The following BIN3 variants were observed in gnomAD, a reference collection of about 807,000 sequenced individuals.
BIN3 encodes bridging integrator 3.
BIN3 carries 41 observed loss-of-function variants against 38.2 expected under a neutral mutation model. The ratio of observed to expected loss-of-function variants is 1.07; its 90% CI spans 0.84 to 1.39. BIN3 has a LOEUF of 1.39. Among genes scored for constraint, BIN3 ranks in the 40% most tolerant of loss-of-function variants. The pLI, the probability that BIN3 is intolerant of heterozygous loss-of-function variation, is 0.00. For missense variants in BIN3, 361 were observed against 324.3 expected (o/e 1.11, Z -0.87); for synonymous variants, 145 against 122.6 (o/e 1.18, Z -1.21).
At chr8:22,644,886 T>G in intron 1 of BIN3, 83 bp from the exon 2 acceptor site, 1 of 1,274,618 alleles carries the variant, frequency 7.8e-7, no homozygotes. Context: ...ACAGGCCACT[T>G]TCCCCCAGGA....
chr8:22,629,593 G>C (rs1802115960), intron 6 of BIN3: 1 of 277,966 alleles, frequency 3.6e-6, no homozygotes. Flanking sequence ...AAGATGAAAG[G>C]CCTTGCTCAT....
intron 1 of BIN3, among the ~76,000 whole-genome samples, chr8:22,658,484 A>T (rs1347560926): frequency 1.3e-5 from 2 of 152,184 alleles, no homozygotes; most frequent in Non-Finnish European, 2.9e-5. Flanking sequence ...TGTAATGTCT[A>T]TTTACAAAAA....
intron 1 of BIN3, among the ~76,000 whole-genome samples, chr8:22,661,406 G>A (rs112926747): frequency 4.9e-4 from 58 of 117,608 alleles, no homozygotes; most frequent in African/African-American, 1.8e-3. Flanking sequence ...CACCCAGGCT[G>A]GAATGCAGTG....
intron 3 of BIN3, 120 bp from the exon 4 acceptor site, chr8:22,636,706 T>C (rs1292481063): frequency 2.3e-5 from 27 of 1,167,620 alleles, no homozygotes; most frequent in Non-Finnish European, 3.1e-5. Context: ...ACGGGGACTT[T>C]TCCCGCTGAC....
intron 2 of BIN3, among the ~76,000 whole-genome samples, chr8:22,642,889 G>A (rs927766870): frequency 3.9e-4 from 60 of 152,162 alleles, no homozygotes; most frequent in African/African-American, 1.3e-3. Flanking sequence ...CATCTCCAGC[G>A]AGACAGATGC....
At chr8:22,651,545 C>A (rs1310371335) in intron 1 of BIN3, among the ~76,000 whole-genome samples, 2 of 152,142 alleles carry the variant, frequency 1.3e-5, no homozygotes, top group Admixed American at 6.5e-5. Context: ...ATCCTAAAAC[C>A]TTGTTCTTCT....
chr8:22,662,993 C>A (rs981095362), intron 1 of BIN3, among the ~76,000 whole-genome samples: 25 of 152,134 alleles, frequency 1.6e-4, no homozygotes, highest in Admixed American at 1.6e-3. Context: ...GTGGTGCATG[C>A]CTGTAATCCC....
chr8:22,625,378 C>T (rs1021564678), intron 6 of BIN3: 10 of 702,472 alleles, frequency 1.4e-5, no homozygotes, highest in South Asian at 4.4e-5. Context: ...TGTGGCCATT[C>T]GGAGGTGACC....
chr8:22,644,735 A>G lies in BIN3; in HGVS notation c.57+20T>C, dbSNP rs776752114. On this transcript the variant is annotated intron_variant, in intron 2 of 8. Coordinates refer to ENST00000276416, the MANE Select transcript of BIN3 (RefSeq NM_018688.6). ...GTGATACAGAACTGAATCTCACAGCAAAACAATCGAGTTACTCACTGTTTT... is the reference window on the plus strand; with the variant it reads ...GTGATACAGAACTGAATCTCACAGCGAAACAATCGAGTTACTCACTGTTTT... 2 of 1,609,230 alleles carry G rather than the reference A, an allele frequency of 1.2e-6. No homozygotes were observed. Among genetic ancestry groups the G allele is most frequent in the Non-Finnish European group, 1.7e-6 (2 of 1,177,340 alleles).
chr8:22,661,515 G>A (rs567177039), intron 1 of BIN3, among the ~76,000 whole-genome samples: 32 of 151,110 alleles, frequency 2.1e-4, no homozygotes, highest in African/African-American at 7.3e-4. Flanking sequence ...GCACCACCAC[G>A]CCTGGCTAAT....
intron 2 of BIN3, among the ~76,000 whole-genome samples, chr8:22,637,738 A>G (rs1802419059): frequency 6.6e-6 from 1 of 152,176 alleles, no homozygotes; most frequent in Non-Finnish European, 1.5e-5. Context: ...TGGGAAGTAA[A>G]TGACATCGAG....
At chr8:22,630,690 C>T (rs1405989516) in intron 4 of BIN3, 112 bp from the exon 5 acceptor site, 1 of 1,261,038 alleles carries the variant, frequency 7.9e-7, no homozygotes, top group Non-Finnish European at 1.1e-6. Context: ...GACCTCTTCC[C>T]ACAGCCACGG....
chr8:22,663,220 G>A (rs995543371), intron 1 of BIN3, among the ~76,000 whole-genome samples: 1 of 151,788 alleles, frequency 6.6e-6, no homozygotes, highest in Non-Finnish European at 1.5e-5. Context: ...GTGTGTGTGT[G>A]TGTGTGTGTG....
intron 1 of BIN3, among the ~76,000 whole-genome samples, chr8:22,652,327 G>A (rs1261538158): frequency 1.3e-5 from 2 of 152,186 alleles, no homozygotes; most frequent in Non-Finnish European, 2.9e-5. Flanking sequence ...TATCTACTGG[G>A]TAGGACAATC....
In BIN3 at chr8:22,630,536, G is replaced by A. The variant is rs527782919; in HGVS notation, c.203C>T (p.Ser68Phe). Residue 68 changes from serine (S) to phenylalanine (F), a missense_variant, in exon 5 of 9, where the codon TCC (serine) becomes TTC (phenylalanine). Ser to Phe is a radical substitution (Grantham distance 155, BLOSUM62 -2). Transcript: ENST00000276416. ...SAVKISLDLLSNPLCEQDQDL... is the reference protein window; with the variant it reads ...SAVKISLDLLFNPLCEQDQDL... The stretch of plus-strand genomic sequence containing the variant: ...CTGGTCTTGCTCACAGAGGGGATTG[G>A]AGAGTAAGTCCAAGGATATCTTCAC... 97 of 1,614,030 alleles carry A rather than the reference G, an allele frequency of 6.0e-5. No individual in the cohort carries two copies. In the South Asian group the frequency reaches 9.0e-4, roughly 15 times the overall value.
chr8:22,642,260 G>C (rs950837307), intron 2 of BIN3, among the ~76,000 whole-genome samples: 1 of 151,520 alleles, frequency 6.6e-6, no homozygotes, highest in Admixed American at 6.6e-5. Context: ...GAACAACAGA[G>C]TGCGTCACTG....
At chr8:22,648,373 T>G (rs1419341716) in intron 1 of BIN3, among the ~76,000 whole-genome samples, 1 of 152,156 alleles carries the variant, frequency 6.6e-6, no homozygotes, top group Non-Finnish European at 1.5e-5. Flanking sequence ...TCAGTCACTA[T>G]GTGCCCCGAG....
At chr8:22,631,546 G>A (rs1327408277) in intron 4 of BIN3, among the ~76,000 whole-genome samples, 1 of 152,200 alleles carries the variant, frequency 6.6e-6, no homozygotes, top group Non-Finnish European at 1.5e-5. Flanking sequence ...AAAAGGGTTT[G>A]TAATGCCTCC....
chr8:22,635,158 C>T (rs1207541554), intron 4 of BIN3, among the ~76,000 whole-genome samples: 3 of 152,182 alleles, frequency 2.0e-5, no homozygotes, highest in African/African-American at 7.2e-5. Context: ...GTGGGTTATT[C>T]ATTCCTTCAG....
Sources: gnomAD v4.1 joint callset for allele counts (sites outside exome capture counted in the v4.1 genomes callset) on GRCh38, gnomAD v4.1.1 for gene constraint, MANE v1.5 for transcripts, NCBI Gene and HGNC (gene_info 2026-07-23, HGNC 2026-07-21) for gene names.